Variants in TBC1D1 observed in about 807,000 individuals in gnomAD.
TBC1D1 encodes the protein TBC1 (tre-2/USP6, BUB2, cdc16) domain family, member 1.
A neutral mutation model predicts 125.6 loss-of-function variants in TBC1D1; 89 were observed. That is an observed-to-expected ratio of 0.71 (90% CI 0.60 to 0.85). TBC1D1 has a LOEUF of 0.85. TBC1D1 is among the 40% of genes least tolerant of loss of function. The pLI, the probability that TBC1D1 is intolerant of heterozygous loss-of-function variation, is 0.00. For missense variants in TBC1D1, 1,377 were observed against 1,469.2 expected (o/e 0.94, Z 1.03); for synonymous variants, 565 against 564.1 (o/e 1.00, Z -0.02).
chr4:38,108,574 C>T (rs933779737), intron 15 of TBC1D1, among the ~76,000 whole-genome samples: 1 of 152,212 alleles, frequency 6.6e-6, no homozygotes, highest in African/African-American at 2.4e-5. Flanking sequence ...AGAGATCCTC[C>T]ATCAGGGATA....
intron 2 of TBC1D1, among the ~76,000 whole-genome samples, chr4:37,928,252 G>A (rs901968353): frequency 6.6e-6 from 1 of 152,216 alleles, no homozygotes; most frequent in African/African-American, 2.4e-5. Context: ...CTGGAAGTCA[G>A]ATACAATTTA....
intron 12 of TBC1D1, among the ~76,000 whole-genome samples, chr4:38,071,144 T>C (rs1754635212): frequency 1.3e-5 from 2 of 152,030 alleles, no homozygotes; most frequent in Admixed American, 1.3e-4. Flanking sequence ...GTCTGAAGGG[T>C]TTCTTTTGTT....
intron 2 of TBC1D1, among the ~76,000 whole-genome samples, chr4:37,959,076 G>T (rs1729459299): frequency 6.6e-6 from 1 of 152,192 alleles, no homozygotes; most frequent in Non-Finnish European, 1.5e-5. Context: ...TTAAGAGCAA[G>T]ACTTCTAATG....
At chr4:37,922,046 G>C (rs1211301712) in intron 2 of TBC1D1, among the ~76,000 whole-genome samples, 2 of 152,026 alleles carry the variant, frequency 1.3e-5, no homozygotes. Flanking sequence ...CTCTTTTCCT[G>C]TTTTTATCTC....
intron 2 of TBC1D1, among the ~76,000 whole-genome samples, chr4:37,946,906 G>A (rs1173694260): frequency 6.6e-6 from 1 of 152,140 alleles, no homozygotes; most frequent in Non-Finnish European, 1.5e-5. Context: ...TGTACACTAA[G>A]GTTCCTAGCC....
intron 10 of TBC1D1, among the ~76,000 whole-genome samples, chr4:38,048,337 G>C (rs565956074): frequency 6.6e-6 from 1 of 152,208 alleles, no homozygotes; most frequent in East Asian, 1.9e-4. Context: ...AGATCAACAG[G>C]TTTGCATGAT....
intron 18 of TBC1D1, among the ~76,000 whole-genome samples, chr4:38,125,738 C>T (rs1333333498): frequency 1.3e-5 from 2 of 152,108 alleles, no homozygotes; most frequent in African/African-American, 4.8e-5. Flanking sequence ...TACAACTAAA[C>T]TAGATGGTGA....
chr4:37,921,027 G>A (rs1720840267), intron 2 of TBC1D1, among the ~76,000 whole-genome samples: 1 of 148,602 alleles, frequency 6.7e-6, no homozygotes, highest in Non-Finnish European at 1.5e-5. Flanking sequence ...GGAGAATGGC[G>A]CGAACCCAGG....
Position 38,044,407 on chromosome 4 carries a change from A to G in TBC1D1, c.1459A>G (p.Ser487Gly), listed in dbSNP as rs761578218. ...GAATATTGGAAGTGAATTACCACCC[A>G]GTGCCACTCGATTTAGGCTAGATAT... The change falls in exon 9 of 20, where the codon AGT becomes GGT. Residue 487 changes from serine (S) to glycine (G), a missense_variant. This residue lies in a region of TBC1D1 where 822 missense variants were observed against 824.6 expected (regional missense o/e 1.00). Transcript: ENST00000261439. 6.2e-7 allele frequency: 1 copy of G among 1,613,468 alleles called. No homozygotes were observed. The highest frequency in any genetic ancestry group is 8.5e-7 in the Non-Finnish European group (1 of 1,179,902).
chr4:38,094,664 G>T (rs138767557), intron 13 of TBC1D1, among the ~76,000 whole-genome samples: 1 of 152,084 alleles, frequency 6.6e-6, no homozygotes, highest in African/African-American at 2.4e-5. Flanking sequence ...AAGTTGTGTC[G>T]ACTACAGAGC....
intron 2 of TBC1D1, among the ~76,000 whole-genome samples, chr4:37,983,121 CTTTTTT>C (rs71190937): frequency 2.6e-5 from 3 of 116,602 alleles, no homozygotes; most frequent in African/African-American, 9.9e-5. Flanking sequence ...TCCCCAAACT[CTTTTTT>C]TTTTTTTTTT....
At chr4:38,106,637 G>C (rs1351057484) in intron 15 of TBC1D1, among the ~76,000 whole-genome samples, 1 of 152,142 alleles carries the variant, frequency 6.6e-6, no homozygotes, top group African/African-American at 2.4e-5. Flanking sequence ...GAGGAGGAAC[G>C]GGAAGGTGTC....
intron 2 of TBC1D1, among the ~76,000 whole-genome samples, chr4:37,945,339 T>C (rs188070316): frequency 2.0e-5 from 3 of 150,962 alleles, no homozygotes; most frequent in Non-Finnish European, 3.0e-5. Flanking sequence ...CATGGCAAAC[T>C]CCATCTCTAC....
intron 10 of TBC1D1, among the ~76,000 whole-genome samples, chr4:38,049,323 G>C (rs991029867): frequency 3.3e-5 from 5 of 152,184 alleles, no homozygotes; most frequent in Non-Finnish European, 7.3e-5. Context: ...GTTTTCTAGA[G>C]AGAGGGCACT....
intron 15 of TBC1D1, among the ~76,000 whole-genome samples, chr4:38,108,564 A>G (rs933783673): frequency 2.0e-5 from 3 of 152,224 alleles, no homozygotes; most frequent in Admixed American, 1.3e-4. Flanking sequence ...ATGGGCTTCT[A>G]GAGATCCTCC....
intron 11 of TBC1D1, 31 bp from the exon 12 acceptor site, chr4:38,051,868 C>A: frequency 1.3e-6 from 2 of 1,528,346 alleles, no homozygotes; most frequent in Non-Finnish European, 1.8e-6. Flanking sequence ...CTCCTGCTAA[C>A]CCCCCCGTGC....
chr4:37,938,746 A>G (rs1308826064), intron 2 of TBC1D1, among the ~76,000 whole-genome samples: 2 of 152,068 alleles, frequency 1.3e-5, no homozygotes, highest in East Asian at 1.9e-4. Context: ...TCATTGTTCA[A>G]TTCCCACCTA....
chr4:38,067,756 C>A (rs2152505726), intron 12 of TBC1D1, among the ~76,000 whole-genome samples: 2 of 152,304 alleles, frequency 1.3e-5, no homozygotes, highest in Middle Eastern at 6.8e-3. Context: ...GTGCAGGTCC[C>A]AGTGTACAGC....
chr4:37,992,279 T>TGAGGTTTTGGGCTC (rs1367586134), intron 2 of TBC1D1, among the ~76,000 whole-genome samples: 1 of 151,886 alleles, frequency 6.6e-6, no homozygotes. Context: ...GACCAGCGCT[T>TGAGGTTTTGGGCTC]GAGGTTTTGG....
Sources: allele counts gnomAD v4.1 joint callset (sites outside exome capture counted in the v4.1 genomes callset), GRCh38; gene constraint gnomAD v4.1.1; regional missense constraint gnomAD v4.1.1; transcripts MANE v1.5; gene names NCBI Gene and HGNC (gene_info 2026-07-23, HGNC 2026-07-21).